The following UBN1 variants were observed in gnomAD, a reference collection of about 807,000 sequenced individuals.
The protein encoded by UBN1 is ubinuclein 1.
In UBN1, 17 loss-of-function variants were observed where a neutral mutation model predicts 108.5. The observed-to-expected ratio is 0.16, with a 90% CI of 0.11 to 0.24. The LOEUF (loss-of-function observed/expected upper bound fraction) is 0.24. Among genes scored for constraint, UBN1 ranks in the 10% least tolerant of loss-of-function variants. The probability of loss-of-function intolerance (pLI) is 1.00; values close to 1 mark genes in which losing one functional copy is unlikely to be tolerated. For missense variants in UBN1, 1,595 were observed against 1,394.4 expected, an observed-to-expected ratio of 1.14 and a Z score of -2.29; for synonymous variants, 726 against 564.2, an observed-to-expected ratio of 1.29 and a Z score of -4.07.
At chr16:4,862,156 G>A (rs1302171178) in intron 7 of UBN1, among the ~76,000 whole-genome samples, 1 of 152,206 alleles carries the variant, frequency 6.6e-6, no homozygotes, top group Non-Finnish European at 1.5e-5. Flanking sequence ...TCTAGTGGCA[G>A]TCATAATCTA....
At chr16:4,876,556 C>G (rs2142288824) in intron 15 of UBN1, among the ~76,000 whole-genome samples, 1 of 150,604 alleles carries the variant, frequency 6.6e-6, no homozygotes, top group South Asian at 2.1e-4. Context: ...GAGACAGAGT[C>G]TGGCTCTGTC....
intron 2 of UBN1, among the ~76,000 whole-genome samples, chr16:4,855,606 C>CAA (rs36072146): frequency 1.2e-4 from 10 of 80,178 alleles, no homozygotes; most frequent in South Asian, 4.4e-4. Context: ...GACCCTGTGT[C>CAA]AAAAAAAAAA....
At position 4,876,854 on chromosome 16, in the gene UBN1, C is replaced by A. The variant is rs1413144642; in HGVS notation, c.3025-17C>A. 1 of 1,565,340 alleles carries A rather than the reference C, an allele frequency of 6.4e-7. No individual in the cohort carries two copies. ...ACAGGACTGGAGTTCTTACCGCTTG[C>A]TGTGTTTCTTCCCTAGAAAGGAGCG... On this transcript the variant is annotated splice_polypyrimidine_tract_variant and intron_variant, in intron 15 of 17. Coordinates refer to ENST00000262376, the MANE Select transcript of UBN1 (RefSeq NM_001079514.3).
chr16:4,852,167 A>G (rs185865902), intron 1 of UBN1: 1 of 152,376 alleles, frequency 6.6e-6, no homozygotes, highest in East Asian at 1.9e-4. Flanking sequence ...ACAAAATTGT[A>G]TACGAAGTAA....
rs553506546 is a variant in UBN1, at chr16:4,880,453, G to A, written c.*321G>A. 1 of 306,196 alleles carries A rather than the reference G, an allele frequency of 3.3e-6. No homozygotes were observed. The highest frequency in any genetic ancestry group is 2.1e-5 in the African/African-American group (1 of 48,338). The allele number at this position is 306,196 out of a possible 1,614,324, so 19.0% of individuals were successfully genotyped here. ...AGTGTTTACAGGCTCTGGTGGCAGA[G>A]CAGTTGGCACACCTGTGGGTGAATC... On this transcript the variant is annotated 3_prime_UTR_variant, in exon 18 of 18. Transcript: ENST00000262376.
intron 7 of UBN1, among the ~76,000 whole-genome samples, chr16:4,861,349 C>T (rs1417592532): frequency 6.6e-6 from 1 of 152,190 alleles, no homozygotes; most frequent in African/African-American, 2.4e-5. Flanking sequence ...GGAGATTGTT[C>T]TCTTTCTGTT....
Position 4,861,052 on chromosome 16 carries a change from C to T in UBN1, c.1060C>T (p.Pro354Ser). 1 of 1,614,030 alleles carries T rather than the reference C, an allele frequency of 6.2e-7. No homozygotes were observed. The highest frequency in any genetic ancestry group is 2.2e-5 in the East Asian group (1 of 44,890). ...GGAATTCAGGCAGCCCTCTTCTCTCCCCGAAGGCCTGCCAGCACCCCTGGA... is the reference window on the plus strand; with the variant it reads ...GGAATTCAGGCAGCCCTCTTCTCTCTCCGAAGGCCTGCCAGCACCCCTGGA... ...DQEFRQPSSL[P>S]EGLPAPLEKR... The change falls in exon 7 of 18, where the codon CCC (proline) becomes TCC (serine). Residue 354 changes from proline (P) to serine (S), a missense_variant. Physicochemically the swap from Pro to Ser is moderately conservative, Grantham distance 74 (BLOSUM62 -1). Coordinates refer to ENST00000262376, the MANE Select transcript of UBN1 (RefSeq NM_001079514.3).
At chr16:4,872,775 C>T in intron 12 of UBN1, 109 bp from the exon 13 acceptor site, 1 of 1,321,326 alleles carries the variant, frequency 7.6e-7, no homozygotes, top group Non-Finnish European at 1.1e-6. Flanking sequence ...GGCCAGTTGA[C>T]ATTTAATGAG....
At position 4,871,263 on chromosome 16, in the gene UBN1, A is replaced by T; in HGVS notation, c.1668A>T (p.Glu556Asp). Residue 556 changes from glutamate to aspartate, a missense_variant, in exon 12 of 18, where the codon GAA (glutamate) becomes GAT (aspartate). Physicochemically the swap from Glu to Asp is conservative, Grantham distance 45 (BLOSUM62 2). Coordinates refer to ENST00000262376, the MANE Select transcript of UBN1 (RefSeq NM_001079514.3). ...GTGTGAAGGGCTTTCTGGATGCGGA[A>T]GTCAAGCCCCTCTGGCCCAAAGGCT... ...EDCVKGFLDA[E>D]VKPLWPKGWM... 6.2e-7 allele frequency: 1 copy of T among 1,614,232 alleles called. No homozygotes were observed. The highest frequency in any genetic ancestry group is 8.5e-7 in the Non-Finnish European group (1 of 1,180,038).
chr16:4,881,702 C>T lies in UBN1; in HGVS notation c.*1570C>T, dbSNP rs573982956. 3 of 152,326 alleles carry T rather than the reference C, an allele frequency of 2.0e-5. No homozygotes were observed. The highest frequency in any genetic ancestry group is 3.9e-4 in the East Asian group (2 of 5,184). The allele number at this position is 152,326 out of a possible 1,614,324, so 9.4% of individuals were successfully genotyped here. On this transcript the variant is annotated 3_prime_UTR_variant, in exon 18 of 18. Transcript: ENST00000262376. ...CTCCTTTTTTTACATAAGAACCAATCCGTGTTTCACATTGGGCTAAGTGGA... is the reference window on the plus strand; with the variant it reads ...CTCCTTTTTTTACATAAGAACCAATTCGTGTTTCACATTGGGCTAAGTGGA...
At chr16:4,849,686 A>G (rs1029462417) in intron 1 of UBN1, among the ~76,000 whole-genome samples, 8 of 151,306 alleles carry the variant, frequency 5.3e-5, no homozygotes, top group Admixed American at 3.3e-4. Flanking sequence ...GGACCTTCCC[A>G]GTCTAAAGCC....
In UBN1 at chr16:4,854,965, G is replaced by T. The variant is rs543526277; in HGVS notation, c.249+1799G>T. Among the ~76,000 whole-genome samples, 171 of 151,948 alleles carry T rather than the reference G, an allele frequency of 1.1e-3. 1 individual carries two copies. The highest frequency in any genetic ancestry group is 1.0e-3 in the Non-Finnish European group (71 of 67,928). ...TCTCGATCTCCTGACCTCGTGATCCGCCCGTCTCTGCCTCCCAAAGTGCTG... is the reference window on the plus strand; with the variant it reads ...TCTCGATCTCCTGACCTCGTGATCCTCCCGTCTCTGCCTCCCAAAGTGCTG... On this transcript the variant is annotated intron_variant, in intron 2 of 17. Coordinates refer to ENST00000262376, the MANE Select transcript of UBN1 (RefSeq NM_001079514.3).
chr16:4,863,473 A>T (rs1020352082), intron 7 of UBN1, among the ~76,000 whole-genome samples: 1 of 152,128 alleles, frequency 6.6e-6, no homozygotes, highest in Non-Finnish European at 1.5e-5. Flanking sequence ...TGGATATTTG[A>T]TATTTGGATC....
chr16:4,869,429 GA>G (rs2087500439), intron 8 of UBN1, among the ~76,000 whole-genome samples: 1 of 152,222 alleles, frequency 6.6e-6, no homozygotes. Context: ...AAAAACAGAT[GA>G]GCAAACATTT....
chr16:4,875,801 G>C (rs1183771386), intron 15 of UBN1, among the ~76,000 whole-genome samples: 1 of 152,156 alleles, frequency 6.6e-6, no homozygotes, highest in African/African-American at 2.4e-5. Context: ...TCTTCTATCA[G>C]TTGAGTCATG....
Position 4,874,348 on chromosome 16 carries a change from G to A in UBN1, c.1938G>A (p.Ser646=), listed in dbSNP as rs777050666. ...GCAGGGAGCTCCCATCCCAGGCATC[G>A]GGCGGCCTTGCTAACCCTCCTCCTG... ...ASSRELPSQA[S]GGLANPPPVN... The change falls in exon 15 of 18, where the codon TCG becomes TCA. Residue 646 remains serine, a synonymous_variant. Coordinates refer to ENST00000262376, the MANE Select transcript of UBN1 (RefSeq NM_001079514.3). The A allele has an allele frequency of 5.3e-5, 85 of 1,613,960 alleles. 1 individual carries two copies. In the Middle Eastern group the frequency reaches 8.2e-4, roughly 16 times the overall value.
chr16:4,873,230 C>G (rs940518427), intron 14 of UBN1, among the ~76,000 whole-genome samples, 157 bp downstream of exon 14: 3 of 152,194 alleles, frequency 2.0e-5, no homozygotes, highest in African/African-American at 7.2e-5. Flanking sequence ...GACAGAGACC[C>G]AAGCCACTTA....
In UBN1 at chr16:4,874,559, A is replaced by G; in HGVS notation, c.2149A>G (p.Asn717Asp). ...GGVLCTEEKR[N>D]FAKPSPSAPP... ...CGTTTTATGTACAGAAGAAAAAAGG[A>G]ACTTTGCGAAGCCTAGTCCTTCTGC... Residue 717 changes from asparagine to aspartate, a missense_variant, in exon 15 of 18, where the codon AAC becomes GAC. Physicochemically the swap from Asn to Asp is conservative, Grantham distance 23. Around this residue, in one of 3 missense-constraint regions of UBN1, gnomAD observed 1,398 missense variants for 1,194.7 expected, o/e 1.17. Coordinates refer to ENST00000262376, the MANE Select transcript of UBN1 (RefSeq NM_001079514.3). The G allele has an allele frequency of 6.2e-7, 1 of 1,614,212 alleles. No homozygotes were observed. Among genetic ancestry groups the G allele is most frequent in the African/African-American group, 1.3e-5 (1 of 75,046 alleles).
rs141173403 is a variant in UBN1, at chr16:4,861,617, C to T, written c.1110+515C>T. Among the ~76,000 whole-genome samples the T allele has an allele frequency of 2.8e-4, 42 of 152,352 alleles. 1 individual carries two copies. In the East Asian group the frequency reaches 7.9e-3, roughly 29 times the overall value. On this transcript the variant is annotated intron_variant, in intron 7 of 17. Transcript: ENST00000262376. ...CTCAAATGTGATGAATGAAAAGCAG[C>T]TTAATTTTAAATGCTGTCCATGTCC...
Sources: allele counts gnomAD v4.1 joint callset (sites outside exome capture counted in the v4.1 genomes callset), GRCh38; gene constraint gnomAD v4.1.1; regional missense constraint gnomAD v4.1.1; transcripts MANE v1.5; gene names NCBI Gene and HGNC (gene_info 2026-07-23, HGNC 2026-07-21).